Variants in CCDC18 observed in about 807,000 individuals in gnomAD.
The protein encoded by CCDC18 is coiled-coil domain containing 18.
CCDC18 carries 157 observed loss-of-function variants against 196.0 expected under a neutral mutation model. That is an observed-to-expected ratio of 0.80 (90% CI 0.70 to 0.91). The LOEUF (loss-of-function observed/expected upper bound fraction) is 0.91. Among genes scored for constraint, CCDC18 ranks in the 40% least tolerant of loss-of-function variants. The pLI is 0.00. For synonymous variants in CCDC18, 482 were observed against 529.2 expected, an observed-to-expected ratio of 0.91 and a Z score of 1.22; for missense variants, 1,465 against 1,611.6, an observed-to-expected ratio of 0.91 and a Z score of 1.56.
In CCDC18 at chr1:93,217,752, G is replaced by T; in HGVS notation, c.1845G>T (p.Lys615Asn). ...LEQELMEKNE[K>N]IRSLETNINT... Reference sequence around the variant, plus strand: ...TGTGTTTCTAGGAAAAGAATGAAAAGATAAGGAGTCTAGAAACCAATATTA... The same window carrying T: ...TGTGTTTCTAGGAAAAGAATGAAAATATAAGGAGTCTAGAAACCAATATTA... The change falls in exon 14 of 29, where the codon AAG (lysine) becomes AAT (asparagine). Residue 615 changes from lysine (K) to asparagine (N), a missense_variant. Lys to Asn is a moderately conservative substitution (Grantham distance 94). Transcript: ENST00000690025. The T allele has an allele frequency of 6.2e-7, 1 of 1,602,892 alleles. No homozygotes were observed. The highest frequency in any genetic ancestry group is 2.2e-5 in the East Asian group (1 of 44,810).
At chr1:93,230,353 G>C (rs532820726) in intron 17 of CCDC18, among the ~76,000 whole-genome samples, 8 of 151,552 alleles carry the variant, frequency 5.3e-5, no homozygotes, top group Non-Finnish European at 7.4e-5. Flanking sequence ...TTAGCCGGGC[G>C]TGGTGGTGGG....
chr1:93,265,981 C>A (rs1022189503), intron 27 of CCDC18, among the ~76,000 whole-genome samples: 4 of 152,184 alleles, frequency 2.6e-5, no homozygotes, highest in Non-Finnish European at 5.9e-5. Context: ...TGCAAATCAA[C>A]AGAATATACA....
At chr1:93,252,660 T>C (rs1295609018) in intron 23 of CCDC18, among the ~76,000 whole-genome samples, 26 of 152,338 alleles carry the variant, frequency 1.7e-4, no homozygotes, top group Middle Eastern at 3.4e-3. Flanking sequence ...TGTATTTCTT[T>C]CAATGTTCTT....
At chr1:93,259,815 T>G (rs1480644785) in intron 26 of CCDC18, among the ~76,000 whole-genome samples, 5 of 152,348 alleles carry the variant, frequency 3.3e-5, no homozygotes, top group Middle Eastern at 3.4e-3. Context: ...TAACTATCAG[T>G]AATAATTAGG....
intron 23 of CCDC18, among the ~76,000 whole-genome samples, chr1:93,249,547 A>G (rs1341304211): frequency 6.6e-6 from 1 of 152,140 alleles, no homozygotes; most frequent in Non-Finnish European, 1.5e-5. Flanking sequence ...TTCAAGACCA[A>G]CTTGAACTTA....
chr1:93,217,083 C>T (rs1444221961), intron 13 of CCDC18, among the ~76,000 whole-genome samples: 5 of 151,602 alleles, frequency 3.3e-5, no homozygotes, highest in Middle Eastern at 3.4e-3. Flanking sequence ...TACAGGCGCC[C>T]GCCACCACGC....
intron 21 of CCDC18, among the ~76,000 whole-genome samples, chr1:93,240,824 T>G (rs1290304796): frequency 6.6e-6 from 1 of 152,216 alleles, no homozygotes; most frequent in African/African-American, 2.4e-5. Flanking sequence ...GACTCATATT[T>G]TCTCATAACC....
intron 26 of CCDC18, among the ~76,000 whole-genome samples, chr1:93,261,255 G>A (rs769871847): frequency 1.3e-5 from 2 of 152,014 alleles, no homozygotes; most frequent in Non-Finnish European, 2.9e-5. Context: ...CTGACTTATT[G>A]GAGGAGAATG....
At chr1:93,263,132 T>C (rs1243630167) in intron 26 of CCDC18, among the ~76,000 whole-genome samples, 5 of 151,998 alleles carry the variant, frequency 3.3e-5, no homozygotes, top group Non-Finnish European at 7.4e-5. Context: ...ACAAAACCAT[T>C]TTTTCCTCCT....
At chr1:93,258,058 T>TA (rs1406467551) in intron 25 of CCDC18, among the ~76,000 whole-genome samples, 1 of 150,674 alleles carries the variant, frequency 6.6e-6, no homozygotes, top group African/African-American at 2.4e-5. Context: ...TAAAAGACAT[T>TA]AATTAAAATT....
intron 21 of CCDC18, among the ~76,000 whole-genome samples, chr1:93,244,355 T>C (rs78051776): frequency 1.2e-3 from 178 of 152,230 alleles, no homozygotes; most frequent in African/African-American, 4.1e-3. Flanking sequence ...CCAAACCATA[T>C]CATATAGTGT....
At chr1:93,201,859 C>A (rs1653892789) in intron 6 of CCDC18, 33 bp from the exon 7 acceptor site, 1 of 1,337,516 alleles carries the variant, frequency 7.5e-7, no homozygotes, top group South Asian at 1.4e-5. Context: ...GAGCATTCTT[C>A]ACTTTTATTC....
chr1:93,236,821 A>T (rs1660133290), intron 19 of CCDC18, among the ~76,000 whole-genome samples: 1 of 152,210 alleles, frequency 6.6e-6, no homozygotes, highest in African/African-American at 2.4e-5. Flanking sequence ...CCTTGAGTGA[A>T]TATTAAAATC....
intron 4 of CCDC18, among the ~76,000 whole-genome samples, chr1:93,189,593 G>A (rs948199821): frequency 3.3e-5 from 5 of 152,118 alleles, no homozygotes; most frequent in South Asian, 2.1e-4. Flanking sequence ...CACCAACAGC[G>A]TATGAAGATT....
chr1:93,228,461 C>T (rs972468899), intron 17 of CCDC18, among the ~76,000 whole-genome samples: 17 of 150,956 alleles, frequency 1.1e-4, no homozygotes, highest in African/African-American at 3.9e-4. Context: ...AGTTGACCAG[C>T]ACTCCAGACT....
chr1:93,202,245 G>A (rs1170203279), intron 7 of CCDC18, among the ~76,000 whole-genome samples: 1 of 152,120 alleles, frequency 6.6e-6, no homozygotes, highest in African/African-American at 2.4e-5. Context: ...GAGAAGGATG[G>A]AATGTGTTAA....
At chr1:93,256,080 G>A (rs557155464) in intron 24 of CCDC18, among the ~76,000 whole-genome samples, 2 of 152,102 alleles carry the variant, frequency 1.3e-5, no homozygotes, top group East Asian at 1.9e-4. Context: ...TATGGCTTGT[G>A]TATGTTACAG....
At chr1:93,213,875 C>T (rs1656071706) in intron 11 of CCDC18, among the ~76,000 whole-genome samples, 1 of 152,006 alleles carries the variant, frequency 6.6e-6, no homozygotes, top group Non-Finnish European at 1.5e-5. Context: ...AGTAAATAGC[C>T]TAGAAAGTGA....
intron 3 of CCDC18, among the ~76,000 whole-genome samples, chr1:93,185,880 A>G (rs1650581902): frequency 4.0e-5 from 6 of 151,816 alleles, no homozygotes; most frequent in Admixed American, 3.9e-4. Flanking sequence ...TAAAATATAT[A>G]TAAAAAGAAT....
Sources: allele counts gnomAD v4.1 joint callset (sites outside exome capture counted in the v4.1 genomes callset), GRCh38; gene constraint gnomAD v4.1.1; transcripts MANE v1.5; gene names NCBI Gene and HGNC (gene_info 2026-07-23, HGNC 2026-07-21).